Variants in ATRNL1 observed in about 807,000 individuals in gnomAD.
The protein encoded by ATRNL1 is attractin-like protein 1.
In ATRNL1, 95 loss-of-function variants were observed where a neutral mutation model predicts 182.7. The observed-to-expected ratio is 0.52, with a 90% confidence interval of 0.44 to 0.62. The LOEUF is 0.62. Among genes scored for constraint, ATRNL1 ranks in the 20% least tolerant of loss-of-function variants. The pLI, the probability that ATRNL1 is intolerant of heterozygous loss-of-function variation, is 0.00. For missense variants in ATRNL1, 1,471 were observed against 1,679.5 expected, an observed-to-expected ratio of 0.88 and a Z score of 2.17; for synonymous variants, 576 against 568.3, an observed-to-expected ratio of 1.01 and a Z score of -0.19.
chr10:115,819,867 G>T (rs554712013), intron 27 of ATRNL1: 1 of 150,678 alleles, frequency 6.6e-6, no homozygotes, highest in Non-Finnish European at 1.5e-5. Context: ...CTTCATTCAC[G>T]TATAAACTAG....
chr10:115,127,495 A>C, intron 3 of ATRNL1, 98 bp from the exon 4 acceptor site: 1 of 985,568 alleles, frequency 1.0e-6, no homozygotes, highest in East Asian at 3.0e-5. Flanking sequence ...ACGTACAAGC[A>C]TTACTGATCC....
At chr10:115,939,056 T>A (rs1687250281) in intron 28 of ATRNL1, among the ~76,000 whole-genome samples, 1 of 152,198 alleles carries the variant, frequency 6.6e-6, no homozygotes, top group African/African-American at 2.4e-5. Context: ...GATGGATATG[T>A]TAATTAGCTT....
At chr10:115,808,326 C>A (rs1949969137) in intron 27 of ATRNL1, among the ~76,000 whole-genome samples, 1 of 151,996 alleles carries the variant, frequency 6.6e-6, no homozygotes, top group Non-Finnish European at 1.5e-5. Context: ...TAAACCAGTG[C>A]TAGGAAGAAA....
intron 27 of ATRNL1, among the ~76,000 whole-genome samples, chr10:115,809,421 C>G (rs1949996930): frequency 6.6e-6 from 1 of 151,974 alleles, no homozygotes; most frequent in Non-Finnish European, 1.5e-5. Context: ...GAATTGATAT[C>G]TGAAGTCTTG....
intron 19 of ATRNL1, among the ~76,000 whole-genome samples, chr10:115,353,486 G>A (rs1310417236): frequency 6.6e-6 from 1 of 151,956 alleles, no homozygotes; most frequent in Non-Finnish European, 1.5e-5. Flanking sequence ...CTTATGGGCA[G>A]CATATATTTG....
intron 26 of ATRNL1, among the ~76,000 whole-genome samples, chr10:115,574,622 C>A (rs1049732214): frequency 1.3e-5 from 2 of 152,134 alleles, no homozygotes; most frequent in African/African-American, 4.8e-5. Flanking sequence ...ACTTCAATCT[C>A]AATCACATTT....
At chr10:115,925,897 CT>C (rs544253623) in intron 28 of ATRNL1, among the ~76,000 whole-genome samples, 195 of 152,274 alleles carry the variant, frequency 1.3e-3, no homozygotes, top group Middle Eastern at 3.4e-3. Context: ...GAATTCAGCT[CT>C]GGATCATGTG....
chr10:115,764,620 A>G (rs1393204041), intron 27 of ATRNL1, among the ~76,000 whole-genome samples: 1 of 152,154 alleles, frequency 6.6e-6, no homozygotes, highest in Non-Finnish European at 1.5e-5. Flanking sequence ...TGTGAAATGT[A>G]TATTCACACA....
intron 19 of ATRNL1, among the ~76,000 whole-genome samples, chr10:115,388,889 A>G (rs1158490978): frequency 6.6e-6 from 1 of 152,064 alleles, no homozygotes; most frequent in African/African-American, 2.4e-5. Flanking sequence ...ACATTTTGAT[A>G]TATGTTTTCA....
rs1314938267 is a variant in ATRNL1, at chr10:115,740,821, A to AACACACAC, written c.3903+13492_3903+13499dup. ...ACACCCGGCCAATCCTATCTCTTTAAACACACACACACACACACACACACA... is the reference window on the plus strand; with the variant it reads ...ACACCCGGCCAATCCTATCTCTTTAAACACACACACACACACACACACACACACACACA... On this transcript the variant is annotated intron_variant, in intron 27 of 28. Transcript: ENST00000355044. Among the ~76,000 whole-genome samples, 207 of 57,310 alleles carry AACACACAC rather than the reference A, an allele frequency of 3.6e-3. 1 individual carries two copies. The highest frequency in any genetic ancestry group is 8.2e-3 in the African/African-American group (195 of 23,682). 37.6% of individuals were successfully genotyped at this position (57,310 alleles called of 152,430 possible). A position where few individuals can be genotyped will look rare whatever the true frequency, so the allele number is the denominator to read the frequency against.
chr10:115,589,312 T>G (rs1855764460), intron 26 of ATRNL1, among the ~76,000 whole-genome samples: 1 of 152,162 alleles, frequency 6.6e-6, no homozygotes, highest in South Asian at 2.1e-4. Context: ...TACTTAAAAT[T>G]AATTACTCTT....
intron 28 of ATRNL1, among the ~76,000 whole-genome samples, chr10:115,897,702 G>A (rs1299211993): frequency 2.0e-5 from 3 of 152,172 alleles, no homozygotes; most frequent in African/African-American, 7.2e-5. Flanking sequence ...TTTTGTGGAA[G>A]AGAAGTTGAA....
chr10:115,452,308 C>T (rs1847318910), intron 21 of ATRNL1, among the ~76,000 whole-genome samples: 1 of 151,946 alleles, frequency 6.6e-6, no homozygotes, highest in Admixed American at 6.6e-5. Context: ...TTAATTTTTT[C>T]CTTTATGATT....
chr10:115,556,017 C>T (rs916244788), intron 26 of ATRNL1, among the ~76,000 whole-genome samples: 11 of 151,890 alleles, frequency 7.2e-5, no homozygotes, highest in African/African-American at 2.4e-4. Flanking sequence ...AACTTAAAAC[C>T]AAGTCTGTCA....
intron 25 of ATRNL1, among the ~76,000 whole-genome samples, chr10:115,548,656 A>G (rs189470685): frequency 1.4e-3 from 211 of 152,350 alleles, no homozygotes; most frequent in African/African-American, 4.6e-3. Context: ...AGTTACTTCT[A>G]ACAAAGTACC....
At chr10:115,807,324 C>T (rs1555085879) in intron 27 of ATRNL1, among the ~76,000 whole-genome samples, 1 of 152,068 alleles carries the variant, frequency 6.6e-6, no homozygotes, top group African/African-American at 2.4e-5. Context: ...TCATGTTGGC[C>T]AGGCTGTTCT....
intron 28 of ATRNL1, among the ~76,000 whole-genome samples, chr10:115,867,019 A>G (rs1260418192): frequency 6.6e-6 from 1 of 152,208 alleles, no homozygotes; most frequent in Non-Finnish European, 1.5e-5. Context: ...ATAAAATGCT[A>G]ATGAGAAAGT....
chr10:115,279,605 G>A (rs1852266784), intron 13 of ATRNL1, among the ~76,000 whole-genome samples: 1 of 152,196 alleles, frequency 6.6e-6, no homozygotes, highest in Admixed American at 6.5e-5. Flanking sequence ...TTCTGCTATA[G>A]TAGCTAATGT....
intron 27 of ATRNL1, among the ~76,000 whole-genome samples, chr10:115,830,107 T>G (rs1555093156): frequency 6.6e-6 from 1 of 152,236 alleles, no homozygotes; most frequent in Non-Finnish European, 1.5e-5. Flanking sequence ...GCTGCATATA[T>G]GCAGTTCCTG....
Sources: allele counts gnomAD v4.1 joint callset (sites outside exome capture counted in the v4.1 genomes callset), GRCh38; gene constraint gnomAD v4.1.1; transcripts MANE v1.5; gene names NCBI Gene and HGNC (gene_info 2026-07-23, HGNC 2026-07-21).